SPIDR: variants seen among roughly 807,000 people sequenced by gnomAD.
SPIDR encodes the protein scaffold protein involved in DNA repair.
Under a neutral mutation model 104.6 loss-of-function variants are expected in SPIDR, and 93 were observed. The observed-to-expected ratio is 0.89, with a 90% confidence interval of 0.75 to 1.06. The LOEUF is 1.06. Ranked by LOEUF, SPIDR falls within the 50% of genes least tolerant of loss-of-function variation. The pLI, the probability that SPIDR is intolerant of heterozygous loss-of-function variation, is 0.00. For missense variants in SPIDR, 1,154 were observed against 1,111.2 expected (o/e 1.04, Z -0.55); for synonymous variants, 431 against 416.9 (o/e 1.03, Z -0.41).
At chr8:47,704,718 A>G (rs1446390104) in intron 14 of SPIDR, among the ~76,000 whole-genome samples, 1 of 152,066 alleles carries the variant, frequency 6.6e-6, no homozygotes, top group Non-Finnish European at 1.5e-5. Context: ...CCTTTTCATC[A>G]TTTGACAGCT....
intron 5 of SPIDR, among the ~76,000 whole-genome samples, chr8:47,350,679 A>G (rs1156672130): frequency 2.6e-5 from 4 of 152,184 alleles, no homozygotes; most frequent in Non-Finnish European, 5.9e-5. Context: ...ACCATATCTA[A>G]CATCTTTTCC....
intron 8 of SPIDR, among the ~76,000 whole-genome samples, chr8:47,564,111 G>T (rs1183524977): frequency 8.6e-6 from 1 of 116,642 alleles, no homozygotes; most frequent in South Asian, 2.6e-4. Context: ...GCGGAGTCTC[G>T]CTCTGTCACC....
At chr8:47,311,666 A>C (rs1187405958) in intron 5 of SPIDR, among the ~76,000 whole-genome samples, 1 of 152,156 alleles carries the variant, frequency 6.6e-6, no homozygotes, top group Admixed American at 6.5e-5. Context: ...AAAAGAAAAA[A>C]ATCTTGAAAG....
chr8:47,309,831 G>A (rs184330155), intron 5 of SPIDR, among the ~76,000 whole-genome samples: 1,618 of 151,694 alleles, frequency 0.011, 10 homozygotes, highest in Non-Finnish European at 0.016. Context: ...GAGGTCAGGA[G>A]GTCAAGACCA....
At chr8:47,611,143 C>A (rs2063551157) in intron 10 of SPIDR, among the ~76,000 whole-genome samples, 2 of 152,090 alleles carry the variant, frequency 1.3e-5, no homozygotes, top group African/African-American at 2.4e-5. Flanking sequence ...ATGAACCAGT[C>A]CATGGAGTTG....
intron 5 of SPIDR, among the ~76,000 whole-genome samples, chr8:47,380,677 G>A (rs1021174034): frequency 1.3e-5 from 2 of 152,150 alleles, no homozygotes; most frequent in East Asian, 3.9e-4. Context: ...CCTTCTCACT[G>A]AGCTGCAGCT....
intron 10 of SPIDR, among the ~76,000 whole-genome samples, chr8:47,636,461 T>C (rs540703411): frequency 6.6e-6 from 1 of 152,164 alleles, no homozygotes; most frequent in South Asian, 2.1e-4. Context: ...AAACTGGAAG[T>C]GATTAAGCTT....
intron 8 of SPIDR, among the ~76,000 whole-genome samples, chr8:47,532,584 C>T (rs1361652117): frequency 3.3e-5 from 5 of 152,116 alleles, no homozygotes; most frequent in Admixed American, 6.6e-5. Context: ...TCCAAGATGG[C>T]GTAACAGCCC....
intron 8 of SPIDR, among the ~76,000 whole-genome samples, chr8:47,466,944 G>T (rs12547977): frequency 0.42 from 56,088 of 133,818 alleles, 14,046 homozygotes; most frequent in Admixed American, 0.54. Context: ...TAGATAGATA[G>T]ATAGATATAA....
intron 7 of SPIDR, among the ~76,000 whole-genome samples, chr8:47,429,936 G>A (rs1430277806): frequency 9.2e-5 from 14 of 152,018 alleles, no homozygotes; most frequent in African/African-American, 3.1e-4. Flanking sequence ...TCGTCATTTA[G>A]CATTAGGTAT....
intron 8 of SPIDR, among the ~76,000 whole-genome samples, chr8:47,446,900 G>C (rs1003204622): frequency 1.3e-5 from 2 of 152,142 alleles, no homozygotes; most frequent in Admixed American, 6.5e-5. Context: ...TCAAGGGTCT[G>C]GGCAAAGTAA....
intron 8 of SPIDR, among the ~76,000 whole-genome samples, chr8:47,594,268 G>A (rs2061404947): frequency 6.6e-6 from 1 of 151,752 alleles, no homozygotes. Flanking sequence ...CCAGCTATTT[G>A]GGAGGCTGAG....
At chr8:47,398,082 C>T (rs2061443882) in intron 6 of SPIDR, among the ~76,000 whole-genome samples, 1 of 151,886 alleles carries the variant, frequency 6.6e-6, no homozygotes, top group South Asian at 2.1e-4. Flanking sequence ...ATGCCCAAAG[C>T]GAAGAAGTTG....
At chr8:47,535,152 T>G (rs547524842) in intron 8 of SPIDR, among the ~76,000 whole-genome samples, 44 of 152,264 alleles carry the variant, frequency 2.9e-4, no homozygotes, top group African/African-American at 1.1e-3. Flanking sequence ...TAATAACCTT[T>G]CCAAGCAGAA....
At chr8:47,570,688 A>G (rs1348506743) in intron 8 of SPIDR, among the ~76,000 whole-genome samples, 1 of 152,232 alleles carries the variant, frequency 6.6e-6, no homozygotes. Flanking sequence ...GAGAATATAT[A>G]AAAAATTCTT....
In SPIDR at chr8:47,440,369, G is replaced by A. The variant is rs1554695746; in HGVS notation, c.924G>A (p.Glu308=). The A allele has an allele frequency of 1.2e-6, 2 of 1,614,218 alleles. No homozygotes were observed. Among genetic ancestry groups the A allele is most frequent in the South Asian group, 1.1e-5 (1 of 91,084 alleles). ...VLTVKILELH[E]ECAMQVAMCE... Reference sequence around the variant, plus strand: ...CTGTGAAAATTTTAGAGCTGCATGAGGAATGTGCCATGCAAGTTGCCATGT... The same window carrying A: ...CTGTGAAAATTTTAGAGCTGCATGAAGAATGTGCCATGCAAGTTGCCATGT... The change falls in exon 8 of 20, where the codon GAG becomes GAA. Residue 308 remains glutamate (E), a synonymous_variant. Transcript: ENST00000297423.
chr8:47,429,180 A>C (rs933456110), intron 7 of SPIDR, among the ~76,000 whole-genome samples: 15 of 152,232 alleles, frequency 9.9e-5, no homozygotes, highest in Non-Finnish European at 2.1e-4. Context: ...AAGAGTTCTT[A>C]CTAGAATTTA....
intron 11 of SPIDR, among the ~76,000 whole-genome samples, chr8:47,678,266 A>C (rs772295513): frequency 2.0e-5 from 3 of 152,158 alleles, no homozygotes; most frequent in Non-Finnish European, 4.4e-5. Context: ...GGTCGATATG[A>C]GTTTTTGAGT....
chr8:47,534,421 A>G lies in SPIDR; in HGVS notation c.1098-61390A>G, dbSNP rs539945076. Among the ~76,000 whole-genome samples, 4 of 152,358 alleles carry G rather than the reference A, an allele frequency of 2.6e-5. No homozygotes were observed. The East Asian group carries it at 5.8e-4, about 22-fold the overall frequency. ...AGTAGACTGGACAAAGAAAATGTAC[A>G]TATACACCATGGAATACTATGCAGC... On this transcript the variant is annotated intron_variant, in intron 8 of 19. Transcript: ENST00000297423.
Sources: gnomAD v4.1 joint callset for allele counts (sites outside exome capture counted in the v4.1 genomes callset) on GRCh38, gnomAD v4.1.1 for gene constraint, MANE v1.5 for transcripts, NCBI Gene and HGNC (gene_info 2026-07-23, HGNC 2026-07-21) for gene names.